SIK3: variants seen among roughly 807,000 people sequenced by gnomAD.
The protein encoded by SIK3 is SIK family kinase 3.
Under a neutral mutation model 144.2 loss-of-function variants are expected in SIK3, and 28 were observed. The observed-to-expected ratio is 0.19, with a 90% confidence interval of 0.14 to 0.27. The LOEUF (loss-of-function observed/expected upper bound fraction) is 0.27, where lower values mean the gene tolerates loss of function less well. Among genes scored for constraint, SIK3 ranks in the 10% least tolerant of loss-of-function variants. The pLI is 1.00. For synonymous variants in SIK3, 686 were observed against 676.3 expected, an observed-to-expected ratio of 1.01 and a Z score of -0.22; for missense variants, 1,319 against 1,776.0, an observed-to-expected ratio of 0.74 and a Z score of 4.62.
intron 1 of SIK3, among the ~76,000 whole-genome samples, chr11:117,013,959 C>CTTTTTTTTTTT (rs1232857124): frequency 3.6e-4 from 3 of 8,256 alleles, no homozygotes; most frequent in Non-Finnish European, 8.8e-4. Context: ...TGTTTTATTT[C>CTTTTTTTTTTT]TTTTTTTCTT....
chr11:117,079,377 A>G (rs912053236), intron 1 of SIK3, among the ~76,000 whole-genome samples: 1 of 152,232 alleles, frequency 6.6e-6, no homozygotes, highest in African/African-American at 2.4e-5. Flanking sequence ...TAATTGTGTC[A>G]GGAGAAGCTA....
At chr11:117,095,223 G>A (rs1955425047) in intron 1 of SIK3, among the ~76,000 whole-genome samples, 1 of 148,800 alleles carries the variant, frequency 6.7e-6, no homozygotes, top group African/African-American at 2.5e-5. Flanking sequence ...AAAGGAGGGG[G>A]ATCATAATTA....
intron 1 of SIK3, among the ~76,000 whole-genome samples, chr11:117,044,643 G>A (rs2135874913): frequency 6.6e-6 from 1 of 152,004 alleles, no homozygotes; most frequent in East Asian, 1.9e-4. Context: ...AAAACTTGAG[G>A]GCCCAGTCCA....
At chr11:117,094,063 G>C (rs1183559666) in intron 1 of SIK3, among the ~76,000 whole-genome samples, 2 of 152,024 alleles carry the variant, frequency 1.3e-5, no homozygotes, top group Non-Finnish European at 2.9e-5. Flanking sequence ...ACCTAAACTT[G>C]TGAGGTAAGT....
intron 1 of SIK3, among the ~76,000 whole-genome samples, chr11:117,012,287 T>C (rs1951295082): frequency 6.6e-6 from 1 of 152,170 alleles, no homozygotes; most frequent in Admixed American, 6.5e-5. Flanking sequence ...AAATACTTTT[T>C]AGAAAAGTTT....
Position 116,976,643 on chromosome 11 carries a change from T to A in SIK3, c.274-19579A>T, listed in dbSNP as rs558814905. On this transcript the variant is annotated intron_variant, in intron 1 of 24. Transcript: ENST00000445177. ...TTCTTGACATTCCAGATATTGATAG[T>A]TATCTTCCTCTGCTAAGGCTGGTGT... Among the ~76,000 whole-genome samples, 172 of 152,344 alleles carry A rather than the reference T, an allele frequency of 1.1e-3. 1 individual carries two copies. The highest frequency in any genetic ancestry group is 0.01 in the Middle Eastern group (3 of 294).
intron 1 of SIK3, among the ~76,000 whole-genome samples, chr11:116,994,689 A>T (rs1950603298): frequency 1.3e-5 from 2 of 152,232 alleles, no homozygotes; most frequent in African/African-American, 2.4e-5. Flanking sequence ...CTAAACTGCG[A>T]CAAACACTCC....
chr11:116,929,260 T>C (rs1416462262), intron 3 of SIK3, among the ~76,000 whole-genome samples: 1 of 152,186 alleles, frequency 6.6e-6, no homozygotes, highest in South Asian at 2.1e-4. Context: ...CCTTGTCTAA[T>C]TAAAGAGCTT....
chr11:116,996,471 A>T (rs1404822264), intron 1 of SIK3, among the ~76,000 whole-genome samples: 3 of 152,308 alleles, frequency 2.0e-5, no homozygotes, highest in African/African-American at 7.2e-5. Flanking sequence ...AATTTATATA[A>T]ACTTGCTCAA....
At chr11:117,009,742 C>T (rs964169320) in intron 1 of SIK3, among the ~76,000 whole-genome samples, 5 of 152,134 alleles carry the variant, frequency 3.3e-5, no homozygotes, top group East Asian at 1.9e-4. Context: ...AGATTCCCTA[C>T]TTAATGATTA....
At chr11:117,006,691 A>ATT (rs1384571718) in intron 1 of SIK3, among the ~76,000 whole-genome samples, 1 of 152,136 alleles carries the variant, frequency 6.6e-6, no homozygotes, top group African/African-American at 2.4e-5. Context: ...ACAATTTTAA[A>ATT]TGGTAAAAGG....
rs58490007 is a variant in SIK3, at chr11:117,018,720, AT to A, written c.274-61657del. ...TCATTGTTTTTATTTTATTTTATTT[AT>A]TTTTTTTTTTTGAAACAGTTTCACT... is the stretch of plus-strand genomic sequence containing the variant. On this transcript the variant is annotated intron_variant, in intron 1 of 24. Transcript: ENST00000445177. Among the ~76,000 whole-genome samples the A allele has an allele frequency of 9.4e-3, 1,396 of 148,318 alleles. 21 individuals are homozygous for A. The highest frequency in any genetic ancestry group is 0.032 in the African/African-American group (1,312 of 40,390).
chr11:116,955,147 C>T (rs1261110518), intron 2 of SIK3, among the ~76,000 whole-genome samples: 1 of 152,134 alleles, frequency 6.6e-6, no homozygotes, highest in Non-Finnish European at 1.5e-5. Flanking sequence ...CCTGTAATCC[C>T]AGCACTTTGG....
intron 1 of SIK3, among the ~76,000 whole-genome samples, chr11:117,041,416 G>A (rs1287336329): frequency 6.6e-6 from 1 of 152,030 alleles, no homozygotes; most frequent in Non-Finnish European, 1.5e-5. Flanking sequence ...CCTCTCAAAT[G>A]ACCTGTAATT....
At position 116,915,153 on chromosome 11, in the gene SIK3, T is replaced by TGTGTGTGTGCGC. The variant is rs1182331838; in HGVS notation, c.616+12065_616+12066insGCGCACACACAC. 1.1e-4 allele frequency among the ~76,000 whole-genome samples: 16 copies of TGTGTGTGTGCGC among 149,212 alleles called. 2 individuals carry two copies. Among genetic ancestry groups the TGTGTGTGTGCGC allele is most frequent in the African/African-American group, 3.9e-4 (16 of 40,510 alleles). On this transcript the variant is annotated intron_variant, in intron 4 of 24. Coordinates refer to ENST00000445177, the MANE Select transcript of SIK3 (RefSeq NM_001366686.3). ...GTGTGTGTGTGTGTGTGTGTGTGTG[T>TGTGTGTGTGCGC]GTGTGTGTATGTGTATTTTTTCTTT...
chr11:116,918,311 C>T lies in SIK3; in HGVS notation c.616+8908G>A, dbSNP rs138962675. Reference sequence around the variant, plus strand: ...GAAGCGCATGCCATCCACCCTCTTACACTCCGCTCAACTCCCTTTCCCTGT... The same window carrying T: ...GAAGCGCATGCCATCCACCCTCTTATACTCCGCTCAACTCCCTTTCCCTGT... On this transcript the variant is annotated intron_variant, in intron 4 of 24. Coordinates refer to ENST00000445177, the MANE Select transcript of SIK3 (RefSeq NM_001366686.3). 6.8e-3 allele frequency among the ~76,000 whole-genome samples: 1,028 copies of T among 152,270 alleles called. 4 individuals carry two copies. Among genetic ancestry groups the T allele is most frequent in the Non-Finnish European group, 0.01 (706 of 68,010 alleles).
intron 1 of SIK3, among the ~76,000 whole-genome samples, chr11:117,041,834 T>C (rs1390475966): frequency 6.6e-6 from 1 of 152,200 alleles, no homozygotes; most frequent in African/African-American, 2.4e-5. Flanking sequence ...TGTCCAAAGA[T>C]GCCCTAAGGA....
chr11:116,984,100 A>G (rs1020133438), intron 1 of SIK3, among the ~76,000 whole-genome samples: 1 of 151,954 alleles, frequency 6.6e-6, no homozygotes, highest in Non-Finnish European at 1.5e-5. Flanking sequence ...TCAAGGTTCA[A>G]AAGAAGCAGC....
intron 3 of SIK3, among the ~76,000 whole-genome samples, chr11:116,948,201 G>A (rs545081529): frequency 1.8e-4 from 27 of 152,104 alleles, no homozygotes; most frequent in African/African-American, 6.5e-4. Context: ...GCCCCCCAAA[G>A]TGCTAGGATT....
Sources: allele counts gnomAD v4.1 joint callset (sites outside exome capture counted in the v4.1 genomes callset), GRCh38; gene constraint gnomAD v4.1.1; transcripts MANE v1.5; gene names NCBI Gene and HGNC (gene_info 2026-07-23, HGNC 2026-07-21).